The following SLC4A10 variants were observed in gnomAD, a reference collection of about 807,000 sequenced individuals.
SLC4A10 encodes the protein solute carrier family 4 member 10.
SLC4A10 carries 42 observed loss-of-function variants against 137.7 expected under a neutral mutation model. The ratio of observed to expected loss-of-function variants is 0.30; its 90% CI spans 0.24 to 0.39. The LOEUF is 0.39. Ranked by LOEUF, SLC4A10 falls within the 10% of genes least tolerant of loss-of-function variation. The pLI is 1.00. For missense variants in SLC4A10, 925 were observed against 1,355.0 expected, an observed-to-expected ratio of 0.68 and a Z score of 4.98; for synonymous variants, 474 against 464.1, an observed-to-expected ratio of 1.02 and a Z score of -0.27.
intron 1 of SLC4A10, among the ~76,000 whole-genome samples, chr2:161,672,080 G>A (rs746341521): frequency 1.3e-5 from 2 of 152,068 alleles, no homozygotes; most frequent in African/African-American, 4.8e-5. Flanking sequence ...CGATAAGCAC[G>A]TAGGGTACAT....
intron 1 of SLC4A10, among the ~76,000 whole-genome samples, chr2:161,626,084 CTCT>C (rs752477075): frequency 6.6e-6 from 1 of 152,092 alleles, no homozygotes; most frequent in Non-Finnish European, 1.5e-5. Context: ...TACCAGGGAA[CTCT>C]TCTTCCCTGG....
At chr2:161,640,598 TTCCTTCC>T (rs2035142184) in intron 1 of SLC4A10, among the ~76,000 whole-genome samples, 1 of 90,426 alleles carries the variant, frequency 1.1e-5, no homozygotes, top group African/African-American at 4.8e-5. Context: ...CTTTCTTTCC[TTCCTTCC>T]TTCCTTCCTT....
At chr2:161,961,340 T>C (rs1696673916) in intron 21 of SLC4A10, among the ~76,000 whole-genome samples, 1 of 152,150 alleles carries the variant, frequency 6.6e-6, no homozygotes, top group African/African-American at 2.4e-5. Context: ...GTTGATAGTA[T>C]GACTGACTCT....
chr2:161,893,226 C>G (rs2063096761), intron 10 of SLC4A10, among the ~76,000 whole-genome samples: 1 of 152,110 alleles, frequency 6.6e-6, no homozygotes, highest in Non-Finnish European at 1.5e-5. Context: ...TATCTGTGAA[C>G]AGCCTAAATG....
intron 1 of SLC4A10, among the ~76,000 whole-genome samples, chr2:161,646,324 A>T (rs1356569715): frequency 1.3e-5 from 2 of 151,980 alleles, no homozygotes; most frequent in Non-Finnish European, 2.9e-5. Context: ...GGTATTTTTT[A>T]TGATGTTCTT....
At chr2:161,964,430 G>A (rs1360419462) in intron 22 of SLC4A10, 122 bp downstream of exon 22, 2 of 1,083,668 alleles carry the variant, frequency 1.8e-6, no homozygotes, top group African/African-American at 1.6e-5. Flanking sequence ...GAAAATATAA[G>A]TTTTGGCACT....
intron 4 of SLC4A10, among the ~76,000 whole-genome samples, chr2:161,846,347 A>G (rs2059490884): frequency 6.6e-6 from 1 of 152,176 alleles, no homozygotes; most frequent in Non-Finnish European, 1.5e-5. Context: ...GATTTGAAAA[A>G]ACTAGATCTT....
chr2:161,895,020 G>A lies in SLC4A10; in HGVS notation c.1341+195G>A, dbSNP rs893788681. ...GCTGGTGTGCTGCACCCATTAACTC[G>A]TCATTTAGCATTAGGTATATCTCCT... On this transcript the variant is annotated intron_variant, in intron 11 of 26. Coordinates refer to ENST00000446997, the MANE Select transcript of SLC4A10 (RefSeq NM_001178015.2). Among the ~76,000 whole-genome samples the A allele has an allele frequency of 3.3e-5, 5 of 150,082 alleles. No individual in the cohort carries two copies. The South Asian group carries it at 8.4e-4, about 25-fold the overall frequency.
rs376244387 is a variant in SLC4A10 at position 161,806,057 on chromosome 2, C to T, written c.277+1462C>T. 5.1e-4 allele frequency among the ~76,000 whole-genome samples: 78 copies of T among 152,280 alleles called. 1 individual carries two copies. Among genetic ancestry groups the T allele is most frequent in the African/African-American group, 1.7e-3 (69 of 41,574 alleles). On this transcript the variant is annotated intron_variant, in intron 3 of 26. Coordinates refer to ENST00000446997, the MANE Select transcript of SLC4A10 (RefSeq NM_001178015.2). ...TTCCTAAACCCCAATTCTTGACTTC[C>T]GTACACCTGCAGGCTCAACACCACA...
At chr2:161,814,494 T>C (rs148774224) in intron 3 of SLC4A10, among the ~76,000 whole-genome samples, 1 of 152,258 alleles carries the variant, frequency 6.6e-6, no homozygotes, top group East Asian at 1.9e-4. Context: ...ATCACAGTGC[T>C]ATTCACCATG....
At chr2:161,843,248 C>T (rs1196275910) in intron 4 of SLC4A10, among the ~76,000 whole-genome samples, 10 of 152,112 alleles carry the variant, frequency 6.6e-5, no homozygotes. Flanking sequence ...AGAAGCGATA[C>T]TAGAATATAG....
chr2:161,729,180 T>G (rs536401159), intron 1 of SLC4A10, among the ~76,000 whole-genome samples: 22 of 152,232 alleles, frequency 1.4e-4, no homozygotes, highest in Non-Finnish European at 2.4e-4. Flanking sequence ...AACATCATAC[T>G]AAAACCTAGC....
At chr2:161,675,302 A>G (rs1002180873) in intron 1 of SLC4A10, among the ~76,000 whole-genome samples, 3 of 152,204 alleles carry the variant, frequency 2.0e-5, no homozygotes, top group African/African-American at 7.2e-5. Flanking sequence ...GATGATCTTC[A>G]TGATGGTGAT....
chr2:161,836,853 T>C (rs919512803), intron 3 of SLC4A10, among the ~76,000 whole-genome samples: 1 of 152,198 alleles, frequency 6.6e-6, no homozygotes, highest in Non-Finnish European at 1.5e-5. Flanking sequence ...ATTCCAATGA[T>C]TGCAGATTTC....
At chr2:161,784,005 C>T (rs185781524) in intron 2 of SLC4A10, among the ~76,000 whole-genome samples, 25 of 151,778 alleles carry the variant, frequency 1.6e-4, no homozygotes, top group Non-Finnish European at 2.4e-4. Context: ...TCAAGAGACT[C>T]CCTTTAGAAT....
At chr2:161,739,475 G>A (rs1196558245) in intron 1 of SLC4A10, among the ~76,000 whole-genome samples, 26 of 152,038 alleles carry the variant, frequency 1.7e-4, no homozygotes, top group African/African-American at 5.6e-4. Flanking sequence ...CCTTGGTTCC[G>A]TATGTCTAAA....
intron 1 of SLC4A10, among the ~76,000 whole-genome samples, chr2:161,641,494 A>G (rs969748911): frequency 6.6e-6 from 1 of 152,164 alleles, no homozygotes; most frequent in Non-Finnish European, 1.5e-5. Flanking sequence ...TTGAAAAACA[A>G]TTAGTTCTTA....
chr2:161,953,362 C>A (rs1041215890), intron 19 of SLC4A10, among the ~76,000 whole-genome samples: 4 of 152,172 alleles, frequency 2.6e-5, no homozygotes, highest in African/African-American at 9.7e-5. Flanking sequence ...GTAATCCCAG[C>A]ACTTTGGGAG....
rs568815282 is a variant in SLC4A10 at position 161,693,050 on chromosome 2, A to G, written c.48+68484A>G. On this transcript the variant is annotated intron_variant, in intron 1 of 26. Coordinates refer to ENST00000446997, the MANE Select transcript of SLC4A10 (RefSeq NM_001178015.2). ...ATTGCCATGTTCCCTTTTATTCTAA[A>G]GGCAGATGAAAGAGTGATTCTCTCA... Among the ~76,000 whole-genome samples, 28 of 152,250 alleles carry G rather than the reference A, an allele frequency of 1.8e-4. No homozygotes were observed. In the South Asian group the frequency reaches 5.6e-3, roughly 30 times the overall value.
Sources: allele counts gnomAD v4.1 joint callset (sites outside exome capture counted in the v4.1 genomes callset), GRCh38; gene constraint gnomAD v4.1.1; transcripts MANE v1.5; gene names NCBI Gene and HGNC (gene_info 2026-07-23, HGNC 2026-07-21).